Variants in AUTS2 observed in about 807,000 individuals in gnomAD.
AUTS2 encodes activator of transcription and developmental regulator AUTS2.
In AUTS2, 17 loss-of-function variants were observed where a neutral mutation model predicts 112.4. That is an observed-to-expected ratio of 0.15 (90% CI 0.10 to 0.23). The LOEUF is 0.23. AUTS2 is among the 10% of genes least tolerant of loss of function. The probability of loss-of-function intolerance (pLI) is 1.00; values close to 1 mark genes in which losing one functional copy is unlikely to be tolerated. For missense variants in AUTS2, 1,510 were observed against 1,701.6 expected (o/e 0.89, Z 1.98); for synonymous variants, 751 against 702.7 (o/e 1.07, Z -1.09).
At chr7:69,882,133 A>G (rs537156447) in intron 1 of AUTS2, among the ~76,000 whole-genome samples, 1 of 141,550 alleles carries the variant, frequency 7.1e-6, no homozygotes, top group African/African-American at 2.6e-5. Context: ...CTGGGCAACA[A>G]GAGCGAAACT....
chr7:70,626,669 C>G (rs1414229833), intron 5 of AUTS2, among the ~76,000 whole-genome samples: 2 of 152,110 alleles, frequency 1.3e-5, no homozygotes, highest in African/African-American at 4.8e-5. Context: ...TCATCCTTCC[C>G]TCTCGCCTCT....
At chr7:70,634,152 A>G (rs973928290) in intron 5 of AUTS2, among the ~76,000 whole-genome samples, 5 of 152,326 alleles carry the variant, frequency 3.3e-5, no homozygotes, top group Non-Finnish European at 7.3e-5. Flanking sequence ...GAGAAGAGAC[A>G]AGGAGAATTA....
At chr7:70,523,279 G>C (rs1799714737) in intron 5 of AUTS2, among the ~76,000 whole-genome samples, 1 of 152,168 alleles carries the variant, frequency 6.6e-6, no homozygotes, top group South Asian at 2.1e-4. Context: ...AATGTAGAGT[G>C]TTTTGAAGAA....
chr7:70,616,415 T>C (rs1408967151), intron 5 of AUTS2, among the ~76,000 whole-genome samples: 1 of 152,198 alleles, frequency 6.6e-6, no homozygotes, highest in East Asian at 1.9e-4. Flanking sequence ...TCTCCCTGGC[T>C]GAGTGCTGAG....
At chr7:70,341,694 CAGAAA>C (rs1791271644) in intron 4 of AUTS2, among the ~76,000 whole-genome samples, 1 of 152,198 alleles carries the variant, frequency 6.6e-6, no homozygotes, top group African/African-American at 2.4e-5. Flanking sequence ...ATCTAATGCT[CAGAAA>C]AGAATTCCCT....
chr7:69,836,781 C>T (rs957098334), intron 1 of AUTS2, among the ~76,000 whole-genome samples: 2 of 152,164 alleles, frequency 1.3e-5, no homozygotes, highest in Non-Finnish European at 2.9e-5. Flanking sequence ...CAAATTTTCA[C>T]AGTAACAATG....
chr7:70,706,189 T>C (rs2129548355), intron 6 of AUTS2, among the ~76,000 whole-genome samples: 1 of 152,316 alleles, frequency 6.6e-6, no homozygotes, highest in East Asian at 1.9e-4. Context: ...TTATGTTAGG[T>C]GTCATCTGCC....
At chr7:70,183,669 G>A (rs1053729534) in intron 4 of AUTS2, among the ~76,000 whole-genome samples, 2 of 152,136 alleles carry the variant, frequency 1.3e-5, no homozygotes, top group Non-Finnish European at 2.9e-5. Context: ...TTTGGGTCAA[G>A]TGCTGCTCAG....
chr7:70,090,005 A>AAAATAAAT (rs1417280621), intron 2 of AUTS2, among the ~76,000 whole-genome samples: 19 of 120,240 alleles, frequency 1.6e-4, no homozygotes, highest in African/African-American at 6.0e-4. Flanking sequence ...AGACTGTTTC[A>AAAATAAAT]AAACAAATAA....
At chr7:70,045,765 T>C (rs1009234544) in intron 2 of AUTS2, among the ~76,000 whole-genome samples, 1 of 149,638 alleles carries the variant, frequency 6.7e-6, no homozygotes, top group African/African-American at 2.5e-5. Flanking sequence ...CATGCCACCA[T>C]GCTCAGCTAA....
At chr7:70,549,035 C>CTTGAAGA (rs1800912645) in intron 5 of AUTS2, among the ~76,000 whole-genome samples, 1 of 151,874 alleles carries the variant, frequency 6.6e-6, no homozygotes, top group East Asian at 1.9e-4. Context: ...TCTTCTCACC[C>CTTGAAGA]TTGAAGACAG....
intron 1 of AUTS2, among the ~76,000 whole-genome samples, chr7:69,658,065 G>C (rs867466756): frequency 6.6e-6 from 1 of 152,202 alleles, no homozygotes; most frequent in Admixed American, 6.5e-5. Flanking sequence ...TTCATGCCAC[G>C]TGAAAATTAT....
At chr7:70,449,664 T>C (rs1796451836) in intron 5 of AUTS2, among the ~76,000 whole-genome samples, 1 of 152,204 alleles carries the variant, frequency 6.6e-6, no homozygotes, top group Non-Finnish European at 1.5e-5. Context: ...TTTATAGTGA[T>C]CACAAAATCT....
chr7:70,780,308 A>C (rs1363580005), intron 14 of AUTS2, among the ~76,000 whole-genome samples: 1 of 152,068 alleles, frequency 6.6e-6, no homozygotes, highest in Non-Finnish European at 1.5e-5. Flanking sequence ...GAAGATTAAG[A>C]CCCAATTTCT....
At chr7:70,367,888 G>C (rs558406506) in intron 4 of AUTS2, among the ~76,000 whole-genome samples, 1 of 152,280 alleles carries the variant, frequency 6.6e-6, no homozygotes, top group South Asian at 2.1e-4. Context: ...TAGAGACTGG[G>C]TTAGAATCAT....
chr7:69,980,199 C>T (rs1798239284), intron 2 of AUTS2, among the ~76,000 whole-genome samples: 2 of 152,234 alleles, frequency 1.3e-5, no homozygotes, highest in African/African-American at 4.8e-5. Context: ...CCTCCAGCCT[C>T]AGCCTCCTGA....
chr7:70,285,775 T>C (rs1241477743), intron 4 of AUTS2, among the ~76,000 whole-genome samples: 1 of 152,214 alleles, frequency 6.6e-6, no homozygotes, highest in Non-Finnish European at 1.5e-5. Flanking sequence ...TATTCATTCA[T>C]CAAATATTTA....
chr7:69,890,151 A>G (rs1009780957), intron 1 of AUTS2, among the ~76,000 whole-genome samples: 2 of 152,184 alleles, frequency 1.3e-5, no homozygotes, highest in Non-Finnish European at 2.9e-5. Flanking sequence ...TCTGGTTGCC[A>G]GGGACTCAAC....
At chr7:69,725,909 T>G (rs1306558044) in intron 1 of AUTS2, among the ~76,000 whole-genome samples, 1 of 152,198 alleles carries the variant, frequency 6.6e-6, no homozygotes, top group African/African-American at 2.4e-5. Context: ...TATGAACAAT[T>G]ACAATCTTGG....
Sources: allele counts gnomAD v4.1 joint callset (sites outside exome capture counted in the v4.1 genomes callset), GRCh38; gene constraint gnomAD v4.1.1; transcripts MANE v1.5; gene names NCBI Gene and HGNC (gene_info 2026-07-23, HGNC 2026-07-21).